BRIP1: variants seen among roughly 807,000 people sequenced by gnomAD.
The protein encoded by BRIP1 is BRCA1 interacting DNA helicase 1, also known as Fanconi anemia group J protein.
Under a neutral mutation model 119.7 loss-of-function variants are expected in BRIP1, and 88 were observed. The observed-to-expected ratio is 0.74, with a 90% CI of 0.62 to 0.88. The LOEUF (loss-of-function observed/expected upper bound fraction) is 0.88. Among genes scored for constraint, BRIP1 ranks in the 40% least tolerant of loss-of-function variants. BRIP1 has a pLI of 0.00. For missense variants in BRIP1, 1,259 were observed against 1,455.4 expected (o/e 0.87, Z 2.20); for synonymous variants, 443 against 496.5 (o/e 0.89, Z 1.43).
rs960304702 is a variant in BRIP1, at chr17:61,832,178, CT to C, written c.627+14922del. Among the ~76,000 whole-genome samples the C allele has an allele frequency of 6.6e-6, 1 of 152,150 alleles. No individual in the cohort carries two copies. Among genetic ancestry groups the C allele is most frequent in the Admixed American group, 6.5e-5 (1 of 15,280 alleles). Reference sequence around the variant, plus strand: ...ATATAAGGTGAGCCTGGAACACTATCTTTTGCCAAAAAATAAGGAAGCGTTC... The same window carrying C: ...ATATAAGGTGAGCCTGGAACACTATCTTTGCCAAAAAATAAGGAAGCGTTC... On this transcript the variant is annotated intron_variant, in intron 6 of 19. Coordinates refer to ENST00000259008, the MANE Select transcript of BRIP1 (RefSeq NM_032043.3). The surrounding 1 kb of genome is among the most constrained non-coding windows in gnomAD (Gnocchi z 5.5).
intron 14 of BRIP1, among the ~76,000 whole-genome samples, chr17:61,750,203 T>C (rs1028417070): frequency 1.3e-5 from 2 of 152,228 alleles, no homozygotes; most frequent in African/African-American, 2.4e-5. Flanking sequence ...TCCTACCTTG[T>C]TGAGAATTTG....
chr17:61,693,464 A>G lies in BRIP1; in HGVS notation c.2541T>C (p.Asp847=), dbSNP rs1603280499. The change falls in exon 18 of 20, where the codon GAT becomes GAC. Residue 847 remains aspartate (D), a synonymous_variant. Coordinates refer to ENST00000259008, the MANE Select transcript of BRIP1 (RefSeq NM_032043.3). This position sits in a 1 kb window ranked among gnomAD's most constrained non-coding sequence, Gnocchi z 4.2. The part of the protein sequence containing the change: ...NDWGALILVD[D]RFRNNPSRYI... The stretch of plus-strand genomic sequence containing the variant: ...AGCGACTTGGGTTATTCCTAAAGCG[A>G]TCATCCACTAGAATAAGAGCTCCCC... 1 of 1,613,826 alleles carries G rather than the reference A, an allele frequency of 6.2e-7. No individual in the cohort carries two copies. The highest frequency in any genetic ancestry group is 1.3e-5 in the African/African-American group (1 of 75,044).
At chr17:61,711,340 A>C (rs1286268258) in intron 17 of BRIP1, among the ~76,000 whole-genome samples, 1 of 152,192 alleles carries the variant, frequency 6.6e-6, no homozygotes, top group Non-Finnish European at 1.5e-5. Flanking sequence ...AATTTCAAAA[A>C]TATATTCAAG....
chr17:61,791,857 T>C (rs1211971984), intron 10 of BRIP1, among the ~76,000 whole-genome samples: 1 of 151,906 alleles, frequency 6.6e-6, no homozygotes, highest in African/African-American at 2.4e-5. Context: ...AAGAAGAAAA[T>C]TTTGCCATTT....
rs1420433401 is a variant in BRIP1, at chr17:61,680,646, A to AT, written c.*2649dup. Among the ~76,000 whole-genome samples the AT allele has an allele frequency of 6.6e-6, 1 of 151,078 alleles. No individual in the cohort carries two copies. The highest frequency in any genetic ancestry group is 2.4e-5 in the African/African-American group (1 of 41,090). ...AGGCGCCCGCCACCACGCCTGGCTA[A>AT]TTTTTTGTATTTTTAGTAGAGACGG... is the stretch of plus-strand genomic sequence containing the variant. On this transcript the variant is annotated 3_prime_UTR_variant, in exon 20 of 20. Coordinates refer to ENST00000259008, the MANE Select transcript of BRIP1 (RefSeq NM_032043.3).
chr17:61,782,193 G>T (rs2077632058), intron 11 of BRIP1, among the ~76,000 whole-genome samples: 1 of 151,912 alleles, frequency 6.6e-6, no homozygotes. Flanking sequence ...AGACCATTCT[G>T]GCTAACACGG....
rs1215912927 is a variant in BRIP1 at position 61,756,267 on chromosome 17, C to A, written c.2098-11676G>T. ...ATCACATAAATAAACACAAAAATAA[C>A]TCAATTGTTAAATTCTCTTAGGTAT... On this transcript the variant is annotated intron_variant, in intron 14 of 19. Transcript: ENST00000259008. This position sits in a 1 kb window ranked among gnomAD's most constrained non-coding sequence, Gnocchi z 4.3. 6.6e-6 allele frequency among the ~76,000 whole-genome samples: 1 copy of A among 152,098 alleles called. No homozygotes were observed. Among genetic ancestry groups the A allele is most frequent in the Non-Finnish European group, 1.5e-5 (1 of 68,018 alleles).
intron 3 of BRIP1, among the ~76,000 whole-genome samples, chr17:61,859,228 T>G (rs568212196): frequency 1.6e-3 from 236 of 147,320 alleles, no homozygotes; most frequent in African/African-American, 5.5e-3. Flanking sequence ...AGCAAATATA[T>G]TAAAGGATTT....
chr17:61,680,149 C>G lies in BRIP1; in HGVS notation c.*3147G>C, dbSNP rs2061253499. Among the ~76,000 whole-genome samples the G allele has an allele frequency of 6.7e-6, 1 of 149,970 alleles. No individual in the cohort carries two copies. The highest frequency in any genetic ancestry group is 2.5e-5 in the African/African-American group (1 of 40,512). ...CTTGAGGTCAGGAGTTTGAGACCAG[C>G]CTGGCCAACATGGTGAAACCCTGTC... On this transcript the variant is annotated 3_prime_UTR_variant, in exon 20 of 20. Transcript: ENST00000259008.
rs1437254644 is a variant in BRIP1, at chr17:61,827,553, C to A, written c.628-18796G>T. Among the ~76,000 whole-genome samples, 1 of 152,072 alleles carries A rather than the reference C, an allele frequency of 6.6e-6. No individual in the cohort carries two copies. The highest frequency in any genetic ancestry group is 1.5e-5 in the Non-Finnish European group (1 of 68,006). On this transcript the variant is annotated intron_variant, in intron 6 of 19. Coordinates refer to ENST00000259008, the MANE Select transcript of BRIP1 (RefSeq NM_032043.3). The surrounding 1 kb of genome is among the most constrained non-coding windows in gnomAD (Gnocchi z 5.8). ...GGCTAGCCTGGCCAACATGGTGAAACCCCATCTCTATTAAAAATACAAAAA... is the reference window on the plus strand; with the variant it reads ...GGCTAGCCTGGCCAACATGGTGAAAACCCATCTCTATTAAAAATACAAAAA...
Position 61,704,938 on chromosome 17 carries a change from CTTTTA to C in BRIP1, c.2492+11008_2492+11012del, listed in dbSNP as rs2061670447. Among the ~76,000 whole-genome samples the C allele has an allele frequency of 6.6e-6, 1 of 151,490 alleles. No homozygotes were observed. The highest frequency in any genetic ancestry group is 1.5e-5 in the Non-Finnish European group (1 of 67,868). ...GAGTCTATTTTTTTCTGTTTTTCAACTTTTATTTTATTTTAGATTCCAGGAGTACA... is the reference window on the plus strand; with the variant it reads ...GAGTCTATTTTTTTCTGTTTTTCAACTTTTATTTTAGATTCCAGGAGTACA... On this transcript the variant is annotated intron_variant, in intron 17 of 19. Coordinates refer to ENST00000259008, the MANE Select transcript of BRIP1 (RefSeq NM_032043.3). This position sits in a 1 kb window ranked among gnomAD's most constrained non-coding sequence, Gnocchi z 5.7.
Position 61,768,519 on chromosome 17 carries a change from A to T in BRIP1, c.2097+7882T>A, listed in dbSNP as rs975935007. ...ATCAAGCATTTATGGAAAGATTATT[A>T]TGTGCAGTTGTGATGCCTTTGCTAC... On this transcript the variant is annotated intron_variant, in intron 14 of 19. Transcript: ENST00000259008. The surrounding 1 kb of genome is among the most constrained non-coding windows in gnomAD (Gnocchi z 5.0). Among the ~76,000 whole-genome samples the T allele has an allele frequency of 1.3e-5, 2 of 152,184 alleles. No individual in the cohort carries two copies. Among genetic ancestry groups the T allele is most frequent in the Non-Finnish European group, 2.9e-5 (2 of 68,032 alleles).
In BRIP1 at chr17:61,760,369, T is replaced by G. The variant is rs1211871769; in HGVS notation, c.2098-15778A>C. Among the ~76,000 whole-genome samples, 1 of 151,664 alleles carries G rather than the reference T, an allele frequency of 6.6e-6. No homozygotes were observed. The highest frequency in any genetic ancestry group is 1.9e-4 in the East Asian group (1 of 5,186). On this transcript the variant is annotated intron_variant, in intron 14 of 19. Transcript: ENST00000259008. The surrounding 1 kb of genome is among the most constrained non-coding windows in gnomAD (Gnocchi z 4.6). ...AAAGAAGATCCCAAATAAATAACAT[T>G]ACTCCTCAAGGATCTAGAAAAAGAA...
At position 61,860,699 on chromosome 17, in the gene BRIP1, T is replaced by C. The variant is rs1178765255; in HGVS notation, c.93+748A>G. On this transcript the variant is annotated intron_variant, in intron 2 of 19. Coordinates refer to ENST00000259008, the MANE Select transcript of BRIP1 (RefSeq NM_032043.3). This position sits in a 1 kb window ranked among gnomAD's most constrained non-coding sequence, Gnocchi z 4.1. ...AAAAGGAAGTTCACAGCAGCATTGT[T>C]TGTAACTGCAAAAGAATGTAAACAA... 6.6e-6 allele frequency among the ~76,000 whole-genome samples: 1 copy of C among 152,130 alleles called. No individual in the cohort carries two copies. The highest frequency in any genetic ancestry group is 1.5e-5 in the Non-Finnish European group (1 of 68,012).
rs1016913729 is a variant in BRIP1, at chr17:61,744,332, C to G, written c.2257+100G>C. On this transcript the variant is annotated intron_variant, in intron 15 of 19. Coordinates refer to ENST00000259008, the MANE Select transcript of BRIP1 (RefSeq NM_032043.3). The surrounding 1 kb of genome is among the most constrained non-coding windows in gnomAD (Gnocchi z 5.0). ...TTTCACTCAGGATTATAATTTTTCT[C>G]TTAAGTGTAATTCATCTAAAAATAT... 7.7e-7 allele frequency: 1 copy of G among 1,297,352 alleles called. No homozygotes were observed. Among genetic ancestry groups the G allele is most frequent in the Admixed American group, 2.0e-5 (1 of 50,180 alleles). 80.4% of individuals were successfully genotyped at this position (1,297,352 alleles called of 1,614,324 possible).
chr17:61,791,238 C>T (rs1476667457), intron 10 of BRIP1, among the ~76,000 whole-genome samples: 1 of 151,780 alleles, frequency 6.6e-6, no homozygotes, highest in African/African-American at 2.4e-5. Context: ...CCTGTGAGCC[C>T]AGCACTTTGG....
In BRIP1 at chr17:61,847,158, T is replaced by C. The variant is rs1368897810; in HGVS notation, c.570A>G (p.Gly190=). ...VHNLDAKVDS[G]KTVKLNSPLE... is the part of the protein sequence containing the mutation. ...GTGGAGAGTTGAGTTTTACAGTCTTTCCTGAATCAACTTTTGCATCCAAAT... is the reference window on the plus strand; with the variant it reads ...GTGGAGAGTTGAGTTTTACAGTCTTCCCTGAATCAACTTTTGCATCCAAAT... Residue 190 remains glycine, a synonymous_variant, in exon 6 of 20, where the codon GGA becomes GGG. Transcript: ENST00000259008. 1.2e-6 allele frequency: 2 copies of C among 1,613,598 alleles called. No individual in the cohort carries two copies. The highest frequency in any genetic ancestry group is 4.5e-5 in the East Asian group (2 of 44,858).
chr17:61,765,376 A>ATTT (rs1393538151), intron 14 of BRIP1, among the ~76,000 whole-genome samples: 2 of 50,106 alleles, frequency 4.0e-5, no homozygotes, highest in Non-Finnish European at 7.0e-5. Flanking sequence ...GTGTGTGTAT[A>ATTT]TATTATATAT....
Position 61,793,817 on chromosome 17 carries a change from G to T in BRIP1, c.1341-88C>A. ...ACAAGAGAATCATCATTATTGTCAT[G>T]CGTTGATCTGTATATCTTGACATTC... On this transcript the variant is annotated intron_variant, in intron 9 of 19. Transcript: ENST00000259008. This position sits in a 1 kb window ranked among gnomAD's most constrained non-coding sequence, Gnocchi z 5.2. 1 of 1,363,294 alleles carries T rather than the reference G, an allele frequency of 7.3e-7. No homozygotes were observed. The highest frequency in any genetic ancestry group is 1.0e-6 in the Non-Finnish European group (1 of 997,432). The allele number at this position is 1,363,294 out of a possible 1,614,324, so 84.4% of individuals were successfully genotyped here. A position where few individuals can be genotyped will look rare whatever the true frequency, so the allele number is the denominator to read the frequency against.
Sources: allele counts gnomAD v4.1 joint callset (sites outside exome capture counted in the v4.1 genomes callset), GRCh38; gene constraint gnomAD v4.1.1; non-coding constraint Gnocchi (gnomAD v3.1); transcripts MANE v1.5; gene names NCBI Gene and HGNC (gene_info 2026-07-23, HGNC 2026-07-21).